Variants in C4orf33 observed in about 807,000 individuals in gnomAD.
C4orf33 encodes chromosome 4 open reading frame 33, also known as UPF0462 protein C4orf33.
In C4orf33, 20 loss-of-function variants were observed where a neutral mutation model predicts 24.3. The ratio of observed to expected loss-of-function variants is 0.82; its 90% confidence interval spans 0.58 to 1.19. The LOEUF (loss-of-function observed/expected upper bound fraction) is 1.19, where lower values mean the gene tolerates loss of function less well. Ranked by LOEUF, C4orf33 falls within the 50% of genes most tolerant of loss-of-function variation. The pLI is 0.00. For missense variants in C4orf33, 207 were observed against 225.9 expected (o/e 0.92, Z 0.54); for synonymous variants, 67 against 76.4 (o/e 0.88, Z 0.64).
rs200477066 is a variant in C4orf33 at position 129,104,984 on chromosome 4, GAT to G, written c.182-1595_182-1594del. On this transcript the variant is annotated intron_variant, in intron 2 of 5. Coordinates refer to ENST00000425929, the MANE Select transcript of C4orf33 (RefSeq NM_001099783.2). The stretch of plus-strand genomic sequence containing the variant: ...AGTGTGTGTGTGTGTGTGTGTGTGT[GAT>G]ATATATACACACATGTATGTATAGT... Among the ~76,000 whole-genome samples the G allele has an allele frequency of 6.5e-3, 948 of 146,908 alleles. 6 individuals are homozygous for G. The highest frequency in any genetic ancestry group is 0.022 in the African/African-American group (901 of 40,372).
At chr4:129,103,439 A>G (rs993472915) in intron 2 of C4orf33, among the ~76,000 whole-genome samples, 1 of 152,162 alleles carries the variant, frequency 6.6e-6, no homozygotes. Flanking sequence ...CTCTAACATT[A>G]CAAATCTTCT....
At chr4:129,108,142 G>T (rs1408221712) in intron 3 of C4orf33, among the ~76,000 whole-genome samples, 1 of 152,058 alleles carries the variant, frequency 6.6e-6, no homozygotes, top group East Asian at 1.9e-4. Context: ...TCCTAAGGCT[G>T]CATAATAACA....
At chr4:129,095,496 A>T (rs1031709382), upstream of C4orf33, among the ~76,000 whole-genome samples, 1 of 152,176 alleles carries the variant, frequency 6.6e-6, no homozygotes, top group African/African-American at 2.4e-5. Flanking sequence ...GCAGAAATGT[A>T]TGTAGTTTGT....
chr4:129,115,801 A>AATATATATATATATATATATAT lies in C4orf33; in HGVS notation c.*4018_*4039dup, dbSNP rs55749910. Reference sequence around the variant, plus strand: ...ATGTGCCTAACAAATCTTCTAACTAAATATATATATATATATATATATATA... The same window carrying AATATATATATATATATATATAT: ...ATGTGCCTAACAAATCTTCTAACTAAATATATATATATATATATATATATATATATATATATATATATATATA... On this transcript the variant is annotated 3_prime_UTR_variant, in exon 6 of 6. Transcript: ENST00000425929. 1 of 90,242 alleles carries AATATATATATATATATATATAT rather than the reference A, an allele frequency of 1.1e-5. No individual in the cohort carries two copies. The highest frequency in any genetic ancestry group is 4.3e-5 in the African/African-American group (1 of 23,370). The allele number at this position is 90,242 out of a possible 1,614,324, so 5.6% of individuals were successfully genotyped here.
upstream of C4orf33, among the ~76,000 whole-genome samples, chr4:129,094,611 A>G (rs1355812067): frequency 6.6e-6 from 1 of 152,202 alleles, no homozygotes; most frequent in Non-Finnish European, 1.5e-5. Flanking sequence ...CTCAATACTC[A>G]CTGTTAATAG....
intron 1 of C4orf33, among the ~76,000 whole-genome samples, chr4:129,101,470 G>A (rs779673271): frequency 1.3e-5 from 2 of 152,040 alleles, no homozygotes; most frequent in Admixed American, 6.6e-5. Flanking sequence ...ATAGGATCTA[G>A]TATAATTTGG....
At chr4:129,101,401 A>G (rs571880944) in intron 1 of C4orf33, among the ~76,000 whole-genome samples, 2 of 152,274 alleles carry the variant, frequency 1.3e-5, no homozygotes, top group East Asian at 3.9e-4. Context: ...TTCAGATAAA[A>G]GAAGTTACAG....
chr4:129,103,241 G>A (rs776911386), intron 2 of C4orf33, among the ~76,000 whole-genome samples: 3 of 151,618 alleles, frequency 2.0e-5, no homozygotes, highest in Admixed American at 6.6e-5. Flanking sequence ...GGATGGTCTC[G>A]ATCTCCTGAC....
At chr4:129,105,170 AC>A (rs1296599986) in intron 2 of C4orf33, among the ~76,000 whole-genome samples, 1 of 151,614 alleles carries the variant, frequency 6.6e-6, no homozygotes, top group African/African-American at 2.4e-5. Context: ...TGGCTGGAAA[AC>A]CCACTCTTCC....
chr4:129,111,995 A>C lies in C4orf33; in HGVS notation c.*204A>C, dbSNP rs1355530111. Reference sequence around the variant, plus strand: ...TCTTTGTAGATGATTTCATCTGTAAAGTCACAATGTTTCTCAGAGTCACTT... The same window carrying C: ...TCTTTGTAGATGATTTCATCTGTAACGTCACAATGTTTCTCAGAGTCACTT... On this transcript the variant is annotated 3_prime_UTR_variant, in exon 6 of 6. Coordinates refer to ENST00000425929, the MANE Select transcript of C4orf33 (RefSeq NM_001099783.2). The C allele has an allele frequency of 4.5e-6, 2 of 441,552 alleles. No individual in the cohort carries two copies. The highest frequency in any genetic ancestry group is 7.8e-5 in the East Asian group (2 of 25,752). 27.4% of individuals were successfully genotyped at this position (441,552 alleles called of 1,614,324 possible).
At chr4:129,094,731 C>G (rs1007281616), upstream of C4orf33, among the ~76,000 whole-genome samples, 3 of 152,058 alleles carry the variant, frequency 2.0e-5, no homozygotes, top group Non-Finnish European at 4.4e-5. Context: ...TGAACTTGTT[C>G]TGATTTTTAG....
intron 1 of C4orf33, 160 bp downstream of exon 1, chr4:129,096,369 T>A (rs1234094261): frequency 6.6e-6 from 1 of 152,204 alleles, no homozygotes; most frequent in Non-Finnish European, 1.5e-5. Flanking sequence ...GACTTCCTCA[T>A]TTCTCCGTTT....
In C4orf33 at chr4:129,108,813, G is replaced by A. The variant is rs188593404; in HGVS notation, c.243-494G>A. ...ATGCATTTGGTGGCAGTTGTCTGGAGAGTGGTAAACCCAAAGATGTCATTT... is the reference window on the plus strand; with the variant it reads ...ATGCATTTGGTGGCAGTTGTCTGGAAAGTGGTAAACCCAAAGATGTCATTT... On this transcript the variant is annotated intron_variant, in intron 3 of 5. Coordinates refer to ENST00000425929, the MANE Select transcript of C4orf33 (RefSeq NM_001099783.2). Among the ~76,000 whole-genome samples the A allele has an allele frequency of 4.9e-3, 743 of 152,162 alleles. 6 individuals are homozygous for A. The highest frequency in any genetic ancestry group is 0.017 in the African/African-American group (702 of 41,546).
At chr4:129,099,388 T>A (rs139910888) in intron 1 of C4orf33, among the ~76,000 whole-genome samples, 1 of 152,354 alleles carries the variant, frequency 6.6e-6, no homozygotes, top group Non-Finnish European at 1.5e-5. Flanking sequence ...TTTCTGGGCT[T>A]ATTATCTTTG....
At position 129,116,553 on chromosome 4, in the gene C4orf33, A is replaced by G. The variant is rs1301865081; in HGVS notation, c.*4762A>G. 3 of 152,244 alleles carry G rather than the reference A, an allele frequency of 2.0e-5. No individual in the cohort carries two copies. The highest frequency in any genetic ancestry group is 7.2e-5 in the African/African-American group (3 of 41,476). 9.4% of individuals were successfully genotyped at this position (152,244 alleles called of 1,614,324 possible). A position where few individuals can be genotyped will look rare whatever the true frequency, so the allele number is the denominator to read the frequency against. On this transcript the variant is annotated 3_prime_UTR_variant, in exon 6 of 6. Coordinates refer to ENST00000425929, the MANE Select transcript of C4orf33 (RefSeq NM_001099783.2). ...TGCAGTACCTAGAGTATATATTTTG[A>G]AGAGATAGCTTTGCTGAAATAGAAA...
rs1272359667 is a variant in C4orf33 at position 129,115,011 on chromosome 4, C to CA, written c.*3223dup. 1 of 152,192 alleles carries CA rather than the reference C, an allele frequency of 6.6e-6. No individual in the cohort carries two copies. The highest frequency in any genetic ancestry group is 2.4e-5 in the African/African-American group (1 of 41,456). 9.4% of individuals were successfully genotyped at this position (152,192 alleles called of 1,614,324 possible). ...TAAAGGTCTAGGTCACCTCACCATT[C>CA]AAACCACTTGAAACTACTGAAGAGT... is the stretch of plus-strand genomic sequence containing the variant. On this transcript the variant is annotated 3_prime_UTR_variant, in exon 6 of 6. Coordinates refer to ENST00000425929, the MANE Select transcript of C4orf33 (RefSeq NM_001099783.2).
rs538363672 is a variant in C4orf33, at chr4:129,115,345, T to A, written c.*3554T>A. On this transcript the variant is annotated 3_prime_UTR_variant, in exon 6 of 6. Coordinates refer to ENST00000425929, the MANE Select transcript of C4orf33 (RefSeq NM_001099783.2). Reference sequence around the variant, plus strand: ...ACTCTTTGATAGCACTTTACCTCTTTTGTCCCATGTATCTCTAGATTTCTG... The same window carrying A: ...ACTCTTTGATAGCACTTTACCTCTTATGTCCCATGTATCTCTAGATTTCTG... The A allele has an allele frequency of 6.6e-6, 1 of 152,324 alleles. No individual in the cohort carries two copies. The highest frequency in any genetic ancestry group is 1.9e-4 in the East Asian group (1 of 5,184). The allele number at this position is 152,324 out of a possible 1,614,324, so 9.4% of individuals were successfully genotyped here. A position where few individuals can be genotyped will look rare whatever the true frequency, so the allele number is the denominator to read the frequency against.
chr4:129,107,007 G>A (rs866185951), intron 3 of C4orf33, among the ~76,000 whole-genome samples: 2 of 151,574 alleles, frequency 1.3e-5, no homozygotes, highest in African/African-American at 4.8e-5. Flanking sequence ...ATAGCTGTTC[G>A]GAAATAAAAG....
At chr4:129,105,407 A>C (rs553856771) in intron 2 of C4orf33, among the ~76,000 whole-genome samples, 1 of 152,314 alleles carries the variant, frequency 6.6e-6, no homozygotes, top group South Asian at 2.1e-4. Flanking sequence ...AGAAACAACT[A>C]GAATAATATG....
Sources: allele counts gnomAD v4.1 joint callset (sites outside exome capture counted in the v4.1 genomes callset), GRCh38; gene constraint gnomAD v4.1.1; transcripts MANE v1.5; gene names NCBI Gene and HGNC (gene_info 2026-07-23, HGNC 2026-07-21).